Variants in CDH22 observed in about 807,000 individuals in gnomAD.
The protein encoded by CDH22 is cadherin-22.
In CDH22, 30 loss-of-function variants were observed where a neutral mutation model predicts 58.4. The observed-to-expected ratio is 0.51, with a 90% CI of 0.38 to 0.70. The LOEUF is 0.70. CDH22 is among the 30% of genes least tolerant of loss of function. CDH22 has a pLI of 0.00. For missense variants in CDH22, 1,014 were observed against 1,233.9 expected (o/e 0.82, Z 2.67); for synonymous variants, 513 against 558.2 (o/e 0.92, Z 1.14).
intron 1 of CDH22, among the ~76,000 whole-genome samples, chr20:46,291,635 T>C (rs531033871): frequency 7.9e-5 from 12 of 152,352 alleles, no homozygotes; most frequent in Non-Finnish European, 1.8e-4. Context: ...CGGCCCCTGC[T>C]GCACTGATGA....
chr20:46,229,032 T>C (rs2086200543), intron 3 of CDH22, among the ~76,000 whole-genome samples: 2 of 152,160 alleles, frequency 1.3e-5, no homozygotes, highest in African/African-American at 4.8e-5. Context: ...GTCCCTGCAA[T>C]GCGCCTCTCT....
At chr20:46,229,938 C>T (rs542369851) in intron 3 of CDH22, among the ~76,000 whole-genome samples, 1 of 152,122 alleles carries the variant, frequency 6.6e-6, no homozygotes, top group Non-Finnish European at 1.5e-5. Context: ...TGGCTGCATC[C>T]CAGGGACTCC....
intron 11 of CDH22, among the ~76,000 whole-genome samples, chr20:46,176,601 G>C (rs2085741249): frequency 6.6e-6 from 1 of 152,366 alleles, no homozygotes; most frequent in South Asian, 2.1e-4. Context: ...GACTCTTCTT[G>C]CTCCTCCAAA....
intron 1 of CDH22, among the ~76,000 whole-genome samples, chr20:46,253,123 T>A (rs1419807954): frequency 6.6e-6 from 1 of 152,154 alleles, no homozygotes; most frequent in Non-Finnish European, 1.5e-5. Context: ...ACAAAGAAAG[T>A]GGCCTAACTC....
At chr20:46,284,600 T>C (rs1023622392) in intron 1 of CDH22, among the ~76,000 whole-genome samples, 1 of 152,218 alleles carries the variant, frequency 6.6e-6, no homozygotes, top group South Asian at 2.1e-4. Flanking sequence ...CCCTGTCAGT[T>C]GTTTTCAACT....
intron 3 of CDH22, among the ~76,000 whole-genome samples, chr20:46,237,608 C>A (rs1242847207): frequency 6.6e-6 from 1 of 152,208 alleles, no homozygotes; most frequent in East Asian, 1.9e-4. Flanking sequence ...TCCCTTCCCC[C>A]TCCTTGGTTC....
intron 1 of CDH22, among the ~76,000 whole-genome samples, chr20:46,260,551 C>G (rs1309294979): frequency 6.6e-6 from 1 of 152,192 alleles, no homozygotes; most frequent in Non-Finnish European, 1.5e-5. Context: ...GAGCTAAGTA[C>G]AGAACTGGGG....
In CDH22 at chr20:46,174,524, G is replaced by A. The variant is rs1241296718; in HGVS notation, c.2469C>T (p.Asp823=). Residue 823 remains aspartate, a synonymous_variant, in exon 12 of 12, where the codon GAC becomes GAT. Transcript: ENST00000537909. The surrounding 1 kb of genome is among the most constrained non-coding windows in gnomAD (Gnocchi z 4.4). ...CGAGGGGCTAGGAGGCCTGGGCCTC[G>A]TCGTCCCCGCGGTGGCCGGCGTAGA... ...AALYAGHRGD[D]EAQAS 2.6e-6 allele frequency: 4 copies of A among 1,514,798 alleles called. No individual in the cohort carries two copies. The highest frequency in any genetic ancestry group is 2.6e-6 in the Non-Finnish European group (3 of 1,137,996). 93.8% of individuals were successfully genotyped at this position (1,514,798 alleles called of 1,614,324 possible).
Position 46,251,002 on chromosome 20 carries a change from G to T in CDH22, c.255+38C>A. ...GTATCTACCCGTGGGTGTCCCCAGG[G>T]TCCTGGGATCTGGAGTTGGAGTGGG... On this transcript the variant is annotated intron_variant, in intron 2 of 11. Transcript: ENST00000537909. This position sits in a 1 kb window ranked among gnomAD's most constrained non-coding sequence, Gnocchi z 6.7. 7.6e-7 allele frequency: 1 copy of T among 1,318,160 alleles called. No homozygotes were observed. Among genetic ancestry groups the T allele is most frequent in the Non-Finnish European group, 1.1e-6 (1 of 913,736 alleles). 81.7% of individuals were successfully genotyped at this position (1,318,160 alleles called of 1,614,324 possible). A position where few individuals can be genotyped will look rare whatever the true frequency, so the allele number is the denominator to read the frequency against.
At chr20:46,287,783 G>T (rs983996618) in intron 1 of CDH22, among the ~76,000 whole-genome samples, 1 of 152,148 alleles carries the variant, frequency 6.6e-6, no homozygotes, top group African/African-American at 2.4e-5. Flanking sequence ...AGGCTACTGT[G>T]GGTGTGAAGC....
chr20:46,244,670 C>T (rs922325763), intron 2 of CDH22, among the ~76,000 whole-genome samples: 1 of 152,194 alleles, frequency 6.6e-6, no homozygotes, highest in Non-Finnish European at 1.5e-5. Context: ...TCTGCAGTCT[C>T]TGGGAATCTG....
chr20:46,274,087 A>G (rs1192772120), intron 1 of CDH22, among the ~76,000 whole-genome samples: 2 of 152,224 alleles, frequency 1.3e-5, no homozygotes, highest in Non-Finnish European at 2.9e-5. Context: ...GTTTCAAAGG[A>G]ATTTTAATTG....
At chr20:46,263,513 T>C (rs905534177) in intron 1 of CDH22, among the ~76,000 whole-genome samples, 1 of 152,092 alleles carries the variant, frequency 6.6e-6, no homozygotes, top group African/African-American at 2.4e-5. Flanking sequence ...AATTACCAAC[T>C]GTGCCAAGGT....
At chr20:46,233,932 C>T (rs1328815259) in intron 3 of CDH22, among the ~76,000 whole-genome samples, 3 of 152,230 alleles carry the variant, frequency 2.0e-5, no homozygotes, top group Admixed American at 6.5e-5. Context: ...GCGATTGATT[C>T]CTGGCTTGGG....
intron 2 of CDH22, among the ~76,000 whole-genome samples, chr20:46,247,582 C>T (rs1287931920): frequency 2.0e-5 from 3 of 152,124 alleles, no homozygotes; most frequent in East Asian, 1.9e-4. Flanking sequence ...CATAGGTTAT[C>T]GGCAAATGTT....
chr20:46,263,283 G>A (rs2086442703), intron 1 of CDH22, among the ~76,000 whole-genome samples: 1 of 152,138 alleles, frequency 6.6e-6, no homozygotes, highest in African/African-American at 2.4e-5. Context: ...CCCTCAGACT[G>A]CTCTTCTATG....
intron 6 of CDH22, among the ~76,000 whole-genome samples, chr20:46,211,991 G>A (rs2086046344): frequency 6.6e-6 from 1 of 152,176 alleles, no homozygotes; most frequent in Admixed American, 6.5e-5. Flanking sequence ...GTTGAAGGGT[G>A]CCTGGCATGT....
chr20:46,273,363 C>T (rs930053446), intron 1 of CDH22, among the ~76,000 whole-genome samples: 25 of 152,082 alleles, frequency 1.6e-4, no homozygotes, highest in Admixed American at 1.4e-3. Context: ...TAATAAGATA[C>T]CTTTTATATT....
intron 1 of CDH22, among the ~76,000 whole-genome samples, chr20:46,259,007 C>T (rs929333715): frequency 3.3e-5 from 5 of 152,184 alleles, no homozygotes; most frequent in Non-Finnish European, 7.3e-5. Flanking sequence ...ACATTACAGC[C>T]ACACTACGTG....
Sources: gnomAD v4.1 joint callset for allele counts (sites outside exome capture counted in the v4.1 genomes callset) on GRCh38, gnomAD v4.1.1 for gene constraint, Gnocchi (gnomAD v3.1) non-coding constraint, MANE v1.5 for transcripts, NCBI Gene and HGNC (gene_info 2026-07-23, HGNC 2026-07-21) for gene names.